Variants in CREB3L1 observed in about 807,000 individuals in gnomAD.
CREB3L1 encodes cAMP responsive element binding protein 3 like 1.
CREB3L1 carries 33 observed loss-of-function variants against 54.5 expected under a neutral mutation model. That is an observed-to-expected ratio of 0.61 (90% confidence interval 0.46 to 0.81). The LOEUF is 0.81. Among genes scored for constraint, CREB3L1 ranks in the 30% least tolerant of loss-of-function variants. The pLI, the probability that CREB3L1 is intolerant of heterozygous loss-of-function variation, is 0.00. For synonymous variants in CREB3L1, 284 were observed against 286.4 expected (o/e 0.99, Z 0.08); for missense variants, 656 against 673.3 (o/e 0.97, Z 0.29).
At chr11:46,288,757 C>T (rs149002491) in intron 1 of CREB3L1, among the ~76,000 whole-genome samples, 28 of 152,288 alleles carry the variant, frequency 1.8e-4, no homozygotes, top group African/African-American at 6.5e-4. Context: ...AATGGGGCAG[C>T]AGGATCATTC....
intron 2 of CREB3L1, among the ~76,000 whole-genome samples, chr11:46,305,690 ATGTGTGTGTGTG>A (rs764468204): frequency 4.0e-4 from 45 of 111,618 alleles, no homozygotes; most frequent in East Asian, 3.5e-3. Context: ...GTGTGTATAT[ATGTGTGTGTGTG>A]TGTGTGTGTG....
At chr11:46,283,252 T>G (rs141402696) in intron 1 of CREB3L1, among the ~76,000 whole-genome samples, 22 of 152,210 alleles carry the variant, frequency 1.4e-4, no homozygotes, top group Non-Finnish European at 2.1e-4. Flanking sequence ...AAATGTGGAG[T>G]AATATTTTTG....
At chr11:46,299,858 C>T in intron 1 of CREB3L1, 77 bp from the exon 2 acceptor site, 3 of 1,034,038 alleles carry the variant, frequency 2.9e-6, no homozygotes, top group Non-Finnish European at 4.5e-6. Context: ...TGGGGTGCTG[C>T]ACCACCACAG....
chr11:46,280,415 C>T lies in CREB3L1; in HGVS notation c.102+2202C>T, dbSNP rs551257573. Among the ~76,000 whole-genome samples, 255 of 152,108 alleles carry T rather than the reference C, an allele frequency of 1.7e-3. 2 individuals carry two copies. The highest frequency in any genetic ancestry group is 3.3e-3 in the Admixed American group (50 of 15,284). ...CCGTGTTAGCCAGGATGGTCTTGAT[C>T]TCCTGACCTCGTGATCCACCCACCT... On this transcript the variant is annotated intron_variant, in intron 1 of 11. Coordinates refer to ENST00000621158, the MANE Select transcript of CREB3L1 (RefSeq NM_052854.4).
At chr11:46,317,685 C>T (rs1008885623) in intron 10 of CREB3L1, among the ~76,000 whole-genome samples, 198 bp downstream of exon 10, 2 of 152,172 alleles carry the variant, frequency 1.3e-5, no homozygotes, top group Admixed American at 6.5e-5. Context: ...AGAATTGGGA[C>T]TAAAATACAG....
At chr11:46,303,729 G>A (rs1163167112) in intron 2 of CREB3L1, among the ~76,000 whole-genome samples, 2 of 148,620 alleles carry the variant, frequency 1.3e-5, no homozygotes, top group Admixed American at 6.7e-5. Flanking sequence ...GGCCAGGCAT[G>A]CTGAGTCACA....
intron 2 of CREB3L1, among the ~76,000 whole-genome samples, chr11:46,302,168 AAATAATAATAATAAT>A (rs61146206): frequency 0.022 from 3,001 of 135,608 alleles, 35 homozygotes; most frequent in Middle Eastern, 0.026. Flanking sequence ...GCTCCGTCTC[AAATAATAATAATAAT>A]AATAATAATA....
At chr11:46,307,749 C>T in intron 2 of CREB3L1, 67 bp from the exon 3 acceptor site, 1 of 1,377,320 alleles carries the variant, frequency 7.3e-7, no homozygotes, top group Non-Finnish European at 9.7e-7. Flanking sequence ...TAGGGTAGCT[C>T]CCAGGGGGCA....
chr11:46,295,665 G>A lies in CREB3L1; in HGVS notation c.103-4270G>A, dbSNP rs979823755. 6.6e-6 allele frequency among the ~76,000 whole-genome samples: 1 copy of A among 152,250 alleles called. No homozygotes were observed. The highest frequency in any genetic ancestry group is 1.5e-5 in the Non-Finnish European group (1 of 68,040). On this transcript the variant is annotated intron_variant, in intron 1 of 11. Coordinates refer to ENST00000621158, the MANE Select transcript of CREB3L1 (RefSeq NM_052854.4). This position sits in a 1 kb window ranked among gnomAD's most constrained non-coding sequence, Gnocchi z 4.6. ...CACCGGCTGCTGCTCGCAGCCTCCCGCCATTGGCCAGGAGCTCTGCGGCTC... is the reference window on the plus strand; with the variant it reads ...CACCGGCTGCTGCTCGCAGCCTCCCACCATTGGCCAGGAGCTCTGCGGCTC...
rs1398489475 is a variant in CREB3L1, at chr11:46,320,718, G to C, written c.1532G>C (p.Gly511Ala). Residue 511 changes from glycine to alanine, a missense_variant, in exon 12 of 12, where the codon GGC becomes GCC. Physicochemically the swap from Gly to Ala is moderately conservative, Grantham distance 60. Around this residue, in one of 3 missense-constraint regions of CREB3L1, gnomAD observed 240 missense variants for 219.8 expected, o/e 1.09. Coordinates refer to ENST00000621158, the MANE Select transcript of CREB3L1 (RefSeq NM_052854.4). ...CTCTCTTCTCTCTCCAGGGATCTGG[G>C]CCCCAACACCACCATCAAACTCTCC... ...SKEWFHDRDL[G>A]PNTTIKLS 1 of 1,612,108 alleles carries C rather than the reference G, an allele frequency of 6.2e-7. No individual in the cohort carries two copies. Among genetic ancestry groups the C allele is most frequent in the Non-Finnish European group, 8.5e-7 (1 of 1,179,192 alleles).
At chr11:46,281,799 C>A (rs1479857758) in intron 1 of CREB3L1, among the ~76,000 whole-genome samples, 1 of 152,086 alleles carries the variant, frequency 6.6e-6, no homozygotes, top group Non-Finnish European at 1.5e-5. Flanking sequence ...CTTTAACAGT[C>A]CTTAAAAGGG....
rs1191918760 is a variant in CREB3L1 at position 46,278,887 on chromosome 11, C to T, written c.102+674C>T. Among the ~76,000 whole-genome samples, 1 of 152,210 alleles carries T rather than the reference C, an allele frequency of 6.6e-6. No homozygotes were observed. The highest frequency in any genetic ancestry group is 1.5e-5 in the Non-Finnish European group (1 of 68,028). ...CTGGAGTCTGGCTGACTTTCTCCCT[C>T]TCCCTATGTCTTCTTGACTAGGTCC... On this transcript the variant is annotated intron_variant, in intron 1 of 11. Transcript: ENST00000621158. This position sits in a 1 kb window ranked among gnomAD's most constrained non-coding sequence, Gnocchi z 4.2.
chr11:46,299,950 C>G lies in CREB3L1; in HGVS notation c.118C>G (p.Leu40Val). The change falls in exon 2 of 12, where the codon CTG becomes GTG. Residue 40 changes from leucine to valine, a missense_variant. Leu to Val is a conservative substitution (Grantham distance 32). Coordinates refer to ENST00000621158, the MANE Select transcript of CREB3L1 (RefSeq NM_052854.4). ...FLNNAHFPEH[L>V]DHFTENMEDF... ...CCTTCCCTAGCACTTTCCTGAGCAC[C>G]TGGACCACTTTACGGAGAACATGGA... 6.2e-7 allele frequency: 1 copy of G among 1,613,844 alleles called. No individual in the cohort carries two copies. The highest frequency in any genetic ancestry group is 8.5e-7 in the Non-Finnish European group (1 of 1,179,798).
At chr11:46,302,913 G>A (rs1482898005) in intron 2 of CREB3L1, among the ~76,000 whole-genome samples, 4 of 152,154 alleles carry the variant, frequency 2.6e-5, no homozygotes, top group South Asian at 4.1e-4. Flanking sequence ...CCCGGGAGGC[G>A]GAGGTTGCAG....
At chr11:46,312,528 C>A in intron 6 of CREB3L1, 54 bp downstream of exon 6, 1 of 1,609,694 alleles carries the variant, frequency 6.2e-7, no homozygotes. Context: ...GTGGGCTCCC[C>A]TGGCATACCA....
chr11:46,299,875 C>T (rs1939269120), intron 1 of CREB3L1, 60 bp from the exon 2 acceptor site: 3 of 1,291,252 alleles, frequency 2.3e-6, no homozygotes, highest in Non-Finnish European at 3.3e-6. Flanking sequence ...ACAGTAGCAC[C>T]TGCACCCCCT....
Position 46,316,295 on chromosome 11 carries a change from C to T in CREB3L1, c.1041C>T (p.Leu347=), listed in dbSNP as rs1408588390. The T allele has an allele frequency of 1.3e-6, 2 of 1,563,778 alleles. No homozygotes were observed. Among genetic ancestry groups the T allele is most frequent in the Non-Finnish European group, 1.7e-6 (2 of 1,154,108 alleles). Residue 347 remains leucine, a synonymous_variant, in exon 9 of 12, where the codon CTC becomes CTT. Coordinates refer to ENST00000621158, the MANE Select transcript of CREB3L1 (RefSeq NM_052854.4). ...ETLENANRTL[L]QQLQKLQTLV... Reference sequence around the variant, plus strand: ...GCTGTGCCCTCCTCAGGACCCTGCTCCAGCAGCTGCAGAAACTCCAGACTC... The same window carrying T: ...GCTGTGCCCTCCTCAGGACCCTGCTTCAGCAGCTGCAGAAACTCCAGACTC...
rs777188449 is a variant in CREB3L1, at chr11:46,291,075, A to T, written c.103-8860A>T. 7.4e-4 allele frequency among the ~76,000 whole-genome samples: 112 copies of T among 152,170 alleles called. 1 individual carries two copies. Among genetic ancestry groups the T allele is most frequent in the Non-Finnish European group, 1.5e-3 (102 of 68,032 alleles). Reference sequence around the variant, plus strand: ...GCTTGCCACAGAGGTGGGCCAGGGTATGATGGCAGGAGGGAGGCACTGAAG... The same window carrying T: ...GCTTGCCACAGAGGTGGGCCAGGGTTTGATGGCAGGAGGGAGGCACTGAAG... On this transcript the variant is annotated intron_variant, in intron 1 of 11. Transcript: ENST00000621158.
At chr11:46,316,130 G>T in intron 8 of CREB3L1, 156 bp from the exon 9 acceptor site, 1 of 591,854 alleles carries the variant, frequency 1.7e-6, no homozygotes. Flanking sequence ...AGGCCACTCT[G>T]CAGAGGAGCC....
Sources: allele counts gnomAD v4.1 joint callset (sites outside exome capture counted in the v4.1 genomes callset), GRCh38; gene constraint gnomAD v4.1.1; regional missense constraint gnomAD v4.1.1; non-coding constraint Gnocchi (gnomAD v3.1); transcripts MANE v1.5; gene names NCBI Gene and HGNC (gene_info 2026-07-23, HGNC 2026-07-21).